RBFOX3: variants seen among roughly 807,000 people sequenced by gnomAD.
RBFOX3 encodes RNA binding fox-1 homolog 3, also known as RNA binding protein fox-1 homolog 3.
A neutral mutation model predicts 48.7 loss-of-function variants in RBFOX3; 17 were observed. The ratio of observed to expected loss-of-function variants is 0.35; its 90% confidence interval spans 0.24 to 0.52. The LOEUF (loss-of-function observed/expected upper bound fraction) is 0.52, where lower values mean the gene tolerates loss of function less well. Among genes scored for constraint, RBFOX3 ranks in the 20% least tolerant of loss-of-function variants. The pLI is 0.94. For missense variants in RBFOX3, 382 were observed against 497.5 expected (o/e 0.77, Z 2.21); for synonymous variants, 212 against 209.5 (o/e 1.01, Z -0.10).
At chr17:79,595,545 G>A (rs920900966) in intron 1 of RBFOX3, among the ~76,000 whole-genome samples, 7 of 152,336 alleles carry the variant, frequency 4.6e-5, no homozygotes, top group South Asian at 4.2e-4. Context: ...AAAACCCACC[G>A]TGTGTATGAA....
intron 3 of RBFOX3, among the ~76,000 whole-genome samples, chr17:79,300,174 G>T (rs2075087800): frequency 6.6e-6 from 1 of 152,170 alleles, no homozygotes; most frequent in Non-Finnish European, 1.5e-5. Flanking sequence ...AAAGTGCTGG[G>T]ATTACAGGCA....
rs543628007 is a variant in RBFOX3, at chr17:79,316,706, G to T, written c.-174-8882C>A. Among the ~76,000 whole-genome samples the T allele has an allele frequency of 6.7e-4, 102 of 152,326 alleles. 1 individual carries two copies. The highest frequency in any genetic ancestry group is 2.2e-3 in the African/African-American group (92 of 41,582). ...AATAGCAAACCTCATTCCAGTGACA[G>T]TTTCCACATTTAGGAAATAAAACCC... is the stretch of plus-strand genomic sequence containing the variant. On this transcript the variant is annotated intron_variant, in intron 2 of 14. Coordinates refer to ENST00000693108, the MANE Select transcript of RBFOX3 (RefSeq NM_001350451.2).
In RBFOX3 at chr17:79,529,953, C is replaced by T. The variant is rs535669830; in HGVS notation, c.-319-47355G>A. Reference sequence around the variant, plus strand: ...CCTGCTGCATGGCACAGCCACGTGGCTCTGAGAGGCTGAGACCATCTGGCC... The same window carrying T: ...CCTGCTGCATGGCACAGCCACGTGGTTCTGAGAGGCTGAGACCATCTGGCC... On this transcript the variant is annotated intron_variant, in intron 1 of 14. Transcript: ENST00000693108. 7.5e-4 allele frequency among the ~76,000 whole-genome samples: 115 copies of T among 152,356 alleles called. 1 individual carries two copies. The highest frequency in any genetic ancestry group is 2.6e-3 in the African/African-American group (107 of 41,582).
intron 2 of RBFOX3, among the ~76,000 whole-genome samples, chr17:79,351,521 C>T (rs1232817311): frequency 1.3e-5 from 2 of 152,186 alleles, no homozygotes; most frequent in Non-Finnish European, 2.9e-5. Context: ...TTTTCTATTG[C>T]AGACATCTTA....
At chr17:79,247,291 A>G (rs1488383937) in intron 3 of RBFOX3, among the ~76,000 whole-genome samples, 1 of 149,508 alleles carries the variant, frequency 6.7e-6, no homozygotes, top group East Asian at 2.0e-4. Context: ...AGGTAGACAC[A>G]CACAGAGAAC....
At chr17:79,173,895 G>A (rs1365893569) in intron 4 of RBFOX3, among the ~76,000 whole-genome samples, 3 of 137,350 alleles carry the variant, frequency 2.2e-5, no homozygotes, top group East Asian at 5.2e-4. Flanking sequence ...CACACGCCAC[G>A]TGCTGAAGTG....
At chr17:79,369,040 G>A (rs1414400870) in intron 2 of RBFOX3, among the ~76,000 whole-genome samples, 2 of 152,140 alleles carry the variant, frequency 1.3e-5, no homozygotes, top group South Asian at 2.1e-4. Context: ...CAAGGAGAGC[G>A]AGGAGGGGCT....
intron 2 of RBFOX3, among the ~76,000 whole-genome samples, chr17:79,380,398 G>A (rs2059756885): frequency 1.3e-5 from 2 of 152,190 alleles, no homozygotes; most frequent in African/African-American, 2.4e-5. Flanking sequence ...TCTTGTGAAG[G>A]TGGCCGACAG....
At chr17:79,558,640 G>T (rs1163674885) in intron 1 of RBFOX3, among the ~76,000 whole-genome samples, 1 of 152,132 alleles carries the variant, frequency 6.6e-6, no homozygotes, top group African/African-American at 2.4e-5. Context: ...AACCAAAATT[G>T]TCAGCCCGGA....
At chr17:79,241,760 G>A (rs1489753141) in intron 3 of RBFOX3, among the ~76,000 whole-genome samples, 1 of 152,194 alleles carries the variant, frequency 6.6e-6, no homozygotes. Flanking sequence ...CGCTGGTGAG[G>A]GCTCTTGTCC....
At chr17:79,613,805 C>A (rs2093983847), upstream of RBFOX3, among the ~76,000 whole-genome samples, 1 of 152,198 alleles carries the variant, frequency 6.6e-6, no homozygotes, top group Non-Finnish European at 1.5e-5. Context: ...GAAACGCCGT[C>A]TCTACTAAAA....
intron 1 of RBFOX3, among the ~76,000 whole-genome samples, chr17:79,592,634 A>G (rs970779218): frequency 6.6e-6 from 1 of 151,914 alleles, no homozygotes; most frequent in African/African-American, 2.4e-5. Flanking sequence ...CTGCGCTGTG[A>G]ACACACTCCC....
chr17:79,300,449 A>T (rs1007976683), intron 3 of RBFOX3, among the ~76,000 whole-genome samples: 5 of 152,038 alleles, frequency 3.3e-5, no homozygotes, highest in Admixed American at 6.6e-5. Flanking sequence ...GCCCTAATTT[A>T]AAAAAAATCT....
chr17:79,230,711 C>T (rs928146117), intron 4 of RBFOX3, among the ~76,000 whole-genome samples: 1 of 152,100 alleles, frequency 6.6e-6, no homozygotes, highest in Non-Finnish European at 1.5e-5. Context: ...AGGTGCCTGT[C>T]TCTACACTAG....
At chr17:79,558,395 C>G (rs1169560768) in intron 1 of RBFOX3, among the ~76,000 whole-genome samples, 4 of 152,194 alleles carry the variant, frequency 2.6e-5, no homozygotes, top group African/African-American at 9.6e-5. Context: ...CAGCAGGGAA[C>G]CGTCCGGAGG....
intron 2 of RBFOX3, among the ~76,000 whole-genome samples, chr17:79,403,925 G>A (rs1000601683): frequency 1.5e-4 from 23 of 151,934 alleles, no homozygotes; most frequent in Non-Finnish European, 2.2e-4. Context: ...GACTACAGGC[G>A]CCCGCCACCA....
In RBFOX3 at chr17:79,419,719, C is replaced by G. The variant is rs528623192; in HGVS notation, c.-175+62735G>C. Among the ~76,000 whole-genome samples, 7 of 152,344 alleles carry G rather than the reference C, an allele frequency of 4.6e-5. No individual in the cohort carries two copies. In the South Asian group the frequency reaches 1.5e-3, roughly 32 times the overall value. ...TCATACGCAATGAAAAATAGGAAAG[C>G]ATTTTGAAACACACAAAGCACCAAT... On this transcript the variant is annotated intron_variant, in intron 2 of 14. Coordinates refer to ENST00000693108, the MANE Select transcript of RBFOX3 (RefSeq NM_001350451.2).
At chr17:79,648,304 C>T in the RBFOX3 span, among the ~76,000 whole-genome samples, 4 of 152,106 alleles carry the variant, frequency 2.6e-5, no homozygotes, top group Admixed American at 2.6e-4. Context: ...GTAATGGAGA[C>T]CTAGAGCTTA....
intron 3 of RBFOX3, among the ~76,000 whole-genome samples, chr17:79,237,462 C>G (rs534501929): frequency 2.2e-3 from 341 of 152,344 alleles, no homozygotes; most frequent in Non-Finnish European, 3.8e-3. Context: ...GCCACAGTAA[C>G]TGAGTCAGCT....
Sources: allele counts gnomAD v4.1 joint callset (sites outside exome capture counted in the v4.1 genomes callset), GRCh38; gene constraint gnomAD v4.1.1; transcripts MANE v1.5; gene names NCBI Gene and HGNC (gene_info 2026-07-23, HGNC 2026-07-21).